The following RCAN2 variants were observed in gnomAD, a reference collection of about 807,000 sequenced individuals.
The protein encoded by RCAN2 is regulator of calcineurin 2, also known as calcipressin-2.
A neutral mutation model predicts 23.6 loss-of-function variants in RCAN2; 9 were observed. The ratio of observed to expected loss-of-function variants is 0.38; its 90% CI spans 0.23 to 0.67. RCAN2 has a LOEUF of 0.67. Ranked by LOEUF, RCAN2 falls within the 30% of genes least tolerant of loss-of-function variation. The pLI, the probability that RCAN2 is intolerant of heterozygous loss-of-function variation, is 0.51. For synonymous variants in RCAN2, 109 were observed against 115.7 expected, an observed-to-expected ratio of 0.94 and a Z score of 0.37; for missense variants, 273 against 302.3, an observed-to-expected ratio of 0.90 and a Z score of 0.72.
intron 2 of RCAN2, among the ~76,000 whole-genome samples, chr6:46,303,713 C>T (rs1291759315): frequency 6.6e-6 from 1 of 152,062 alleles, no homozygotes; most frequent in Non-Finnish European, 1.5e-5. Flanking sequence ...ATTAGTTTTG[C>T]CTGTTCCTAA....
chr6:46,240,036 C>T (rs1215549751), intron 4 of RCAN2, among the ~76,000 whole-genome samples: 2 of 152,072 alleles, frequency 1.3e-5, no homozygotes, highest in Admixed American at 1.3e-4. Context: ...TAAAGGGGCT[C>T]CTCCACATGG....
chr6:46,396,371 C>T (rs576358525), intron 2 of RCAN2, among the ~76,000 whole-genome samples: 5 of 152,198 alleles, frequency 3.3e-5, no homozygotes, highest in African/African-American at 7.2e-5. Context: ...TACTTAGCTG[C>T]GAGAATACCA....
intron 2 of RCAN2, among the ~76,000 whole-genome samples, chr6:46,376,051 A>G (rs1372531105): frequency 1.3e-5 from 2 of 152,160 alleles, no homozygotes; most frequent in East Asian, 3.9e-4. Context: ...TCCCTGGAAT[A>G]GGTATCAATT....
chr6:46,281,521 A>G (rs1281197583), intron 2 of RCAN2, among the ~76,000 whole-genome samples: 1 of 152,252 alleles, frequency 6.6e-6, no homozygotes, highest in Non-Finnish European at 1.5e-5. Context: ...AAAACAAGTG[A>G]AAAGGGAGAT....
intron 2 of RCAN2, among the ~76,000 whole-genome samples, chr6:46,285,961 C>T (rs1398272362): frequency 2.0e-5 from 3 of 152,120 alleles, no homozygotes; most frequent in Non-Finnish European, 2.9e-5. Context: ...TTATGATTAC[C>T]TTGCATGGTT....
intron 1 of RCAN2, among the ~76,000 whole-genome samples, chr6:46,474,263 T>C (rs1768649341): frequency 6.6e-6 from 1 of 152,076 alleles, no homozygotes; most frequent in South Asian, 2.1e-4. Flanking sequence ...AGGAAAATTA[T>C]TGAGCAAATA....
intron 2 of RCAN2, among the ~76,000 whole-genome samples, chr6:46,309,071 C>A (rs1473637003): frequency 6.6e-6 from 1 of 152,074 alleles, no homozygotes. Context: ...CAAAACTAAT[C>A]AATAGAAAAG....
At chr6:46,280,044 G>C (rs1297968119) in intron 2 of RCAN2, among the ~76,000 whole-genome samples, 1 of 152,188 alleles carries the variant, frequency 6.6e-6, no homozygotes, top group Non-Finnish European at 1.5e-5. Context: ...CACAGAGCAA[G>C]TTAATGGTAG....
intron 2 of RCAN2, among the ~76,000 whole-genome samples, chr6:46,412,335 C>A (rs2150408328): frequency 6.6e-6 from 1 of 152,138 alleles, no homozygotes; most frequent in Non-Finnish European, 1.5e-5. Context: ...AGAAGAAGTT[C>A]CAACTTATAT....
At chr6:46,438,103 C>T (rs538113075) in intron 2 of RCAN2, among the ~76,000 whole-genome samples, 1 of 152,274 alleles carries the variant, frequency 6.6e-6, no homozygotes, top group African/African-American at 2.4e-5. Context: ...ACTCATCAGT[C>T]ATCCTTTCAA....
At chr6:46,376,577 G>A (rs1765465674) in intron 2 of RCAN2, among the ~76,000 whole-genome samples, 3 of 152,196 alleles carry the variant, frequency 2.0e-5, no homozygotes, top group Non-Finnish European at 2.9e-5. Context: ...CTACTCGGGA[G>A]GCTGAGGCAG....
At chr6:46,384,127 T>C (rs1235263392) in intron 2 of RCAN2, among the ~76,000 whole-genome samples, 1 of 152,228 alleles carries the variant, frequency 6.6e-6, no homozygotes, top group Non-Finnish European at 1.5e-5. Context: ...TGGACCTCAC[T>C]GCTGGGCTCT....
intron 2 of RCAN2, among the ~76,000 whole-genome samples, chr6:46,314,681 C>T: frequency 6.6e-6 from 1 of 152,168 alleles, no homozygotes; most frequent in South Asian, 2.1e-4. Context: ...TGTAAAATTC[C>T]TGCCCAAAGA....
intron 2 of RCAN2, among the ~76,000 whole-genome samples, chr6:46,358,487 G>C (rs1764907028): frequency 6.6e-6 from 1 of 152,152 alleles, no homozygotes; most frequent in Non-Finnish European, 1.5e-5. Context: ...TGAATGCCCA[G>C]GAGGAGGGGG....
At chr6:46,299,174 C>T (rs1436546287) in intron 2 of RCAN2, among the ~76,000 whole-genome samples, 1 of 151,954 alleles carries the variant, frequency 6.6e-6, no homozygotes, top group Non-Finnish European at 1.5e-5. Context: ...TGATGGGACA[C>T]ACACAATTTA....
chr6:46,279,220 A>T (rs1324383409), intron 2 of RCAN2, among the ~76,000 whole-genome samples: 1 of 152,196 alleles, frequency 6.6e-6, no homozygotes, highest in Non-Finnish European at 1.5e-5. Context: ...AGAGCTGTTG[A>T]TTCTCACTGT....
intron 1 of RCAN2, among the ~76,000 whole-genome samples, chr6:46,458,828 ATATT>A (rs1768124292): frequency 6.6e-6 from 1 of 152,236 alleles, no homozygotes; most frequent in South Asian, 2.1e-4. Context: ...AATAGTAAAA[ATATT>A]TAGTAAAAGC....
chr6:46,380,310 G>A (rs1160982688), intron 2 of RCAN2, among the ~76,000 whole-genome samples: 1 of 152,202 alleles, frequency 6.6e-6, no homozygotes, highest in East Asian at 1.9e-4. Context: ...CTCAGTTCAG[G>A]TCAGGCTTTG....
At chr6:46,235,643 C>A (rs1056781134) in intron 4 of RCAN2, among the ~76,000 whole-genome samples, 2 of 152,206 alleles carry the variant, frequency 1.3e-5, no homozygotes, top group Admixed American at 6.5e-5. Context: ...ATTCTTCCAG[C>A]CTTCTAGGTG....
Sources: allele counts gnomAD v4.1 joint callset (sites outside exome capture counted in the v4.1 genomes callset), GRCh38; gene constraint gnomAD v4.1.1; transcripts MANE v1.5; gene names NCBI Gene and HGNC (gene_info 2026-07-23, HGNC 2026-07-21).